SLC29A1: variants seen among roughly 807,000 people sequenced by gnomAD.
The protein encoded by SLC29A1 is equilibrative nucleoside transporter 1.
Under a neutral mutation model 48.3 loss-of-function variants are expected in SLC29A1, and 22 were observed. The ratio of observed to expected loss-of-function variants is 0.46; its 90% confidence interval spans 0.33 to 0.65. SLC29A1 has a LOEUF of 0.65. Ranked by LOEUF, SLC29A1 falls within the 30% of genes least tolerant of loss-of-function variation. The pLI is 0.03. For synonymous variants in SLC29A1, 228 were observed against 231.0 expected, an observed-to-expected ratio of 0.99 and a Z score of 0.12; for missense variants, 491 against 575.3, an observed-to-expected ratio of 0.85 and a Z score of 1.50.
chr6:44,233,774 C>T lies in SLC29A1; in HGVS notation c.*246C>T, dbSNP rs1779391820. 1.8e-6 allele frequency: 1 copy of T among 540,802 alleles called. No individual in the cohort carries two copies. The highest frequency in any genetic ancestry group is 3.3e-6 in the Non-Finnish European group (1 of 300,794). 33.5% of individuals were successfully genotyped at this position (540,802 alleles called of 1,614,324 possible). A position where few individuals can be genotyped will look rare whatever the true frequency, so the allele number is the denominator to read the frequency against. The stretch of plus-strand genomic sequence containing the variant: ...GTAGCCTCGGCATTTGCTTGAGTTT[C>T]TCCACTCTTGGCTCTGACTGATCCC... On this transcript the variant is annotated 3_prime_UTR_variant, in exon 13 of 13. Transcript: ENST00000371755.
chr6:44,219,640 C>T (rs1204478926), upstream of SLC29A1: 5 of 1,201,002 alleles, frequency 4.2e-6, no homozygotes, highest in African/African-American at 1.6e-5. Context: ...CGGCCCACAC[C>T]GGTCAGGCCC....
chr6:44,226,231 C>A, intron 1 of SLC29A1: 2 of 460,634 alleles, frequency 4.3e-6, no homozygotes, highest in Non-Finnish European at 5.7e-6. Flanking sequence ...AGGCCTGGGC[C>A]CAGCTAGGCC....
intron 9 of SLC29A1, 124 bp from the exon 10 acceptor site, chr6:44,231,874 T>C: frequency 1.5e-6 from 1 of 667,762 alleles, no homozygotes; most frequent in East Asian, 3.0e-5. Context: ...TCCACCCACC[T>C]CGGCCTCCCA....
intron 1 of SLC29A1, among the ~76,000 whole-genome samples, chr6:44,224,992 G>T (rs1359551718): frequency 6.6e-6 from 1 of 152,166 alleles, no homozygotes; most frequent in Non-Finnish European, 1.5e-5. Flanking sequence ...GAGAGAGCAG[G>T]GGTGTAGCAG....
chr6:44,232,648 C>A lies in SLC29A1; in HGVS notation c.1060-159C>A. The A allele has an allele frequency of 1.4e-6, 1 of 691,440 alleles. No homozygotes were observed. The allele number at this position is 691,440 out of a possible 1,614,324, so 42.8% of individuals were successfully genotyped here. On this transcript the variant is annotated intron_variant, in intron 11 of 12. Coordinates refer to ENST00000371755, the MANE Select transcript of SLC29A1 (RefSeq NM_001372327.1). The surrounding 1 kb of genome is among the most constrained non-coding windows in gnomAD (Gnocchi z 4.7). ...CGAGATGTAGAATATTTCCAGCACT[C>A]CAGAAGGCTCCACCATGCCCCTTTC...
At position 44,226,992 on chromosome 6, in the gene SLC29A1, C is replaced by T. The variant is rs185775288; in HGVS notation, c.-51-271C>T. 1.2e-5 allele frequency: 15 copies of T among 1,207,566 alleles called. No homozygotes were observed. In the South Asian group the frequency reaches 1.4e-4, roughly 12 times the overall value. The allele number at this position is 1,207,566 out of a possible 1,614,324, so 74.8% of individuals were successfully genotyped here. A position where few individuals can be genotyped will look rare whatever the true frequency, so the allele number is the denominator to read the frequency against. ...CTGTTTCCCAGCTTATAAACTGCTT[C>T]GGCTGCTGGATAAAAATAGCGGTGG... is the stretch of plus-strand genomic sequence containing the variant. On this transcript the variant is annotated intron_variant, in intron 1 of 12. Transcript: ENST00000371755.
intron 2 of SLC29A1, 21 bp downstream of exon 2, chr6:44,227,363 C>CT (rs1320950969): frequency 6.2e-7 from 1 of 1,601,472 alleles, no homozygotes; most frequent in East Asian, 2.2e-5. Flanking sequence ...AGGGGCTGGG[C>CT]TGTGGATCCA....
intron 2 of SLC29A1, among the ~76,000 whole-genome samples, chr6:44,228,504 C>T (rs1385119500): frequency 6.6e-6 from 1 of 152,250 alleles, no homozygotes; most frequent in Non-Finnish European, 1.5e-5. Context: ...GCGGTCCAGG[C>T]TCCTGCACTC....
At chr6:44,228,202 C>T (rs1381318635) in intron 2 of SLC29A1, among the ~76,000 whole-genome samples, 1 of 152,222 alleles carries the variant, frequency 6.6e-6, no homozygotes, top group African/African-American at 2.4e-5. Flanking sequence ...CCCAGGCTGC[C>T]TGCCCATTCT....
rs754792320 is a variant in SLC29A1 at position 44,232,877 on chromosome 6, T to G, written c.1130T>G (p.Leu377Arg). 1.7e-5 allele frequency: 28 copies of G among 1,614,114 alleles called. No homozygotes were observed. Among genetic ancestry groups the G allele is most frequent in the Non-Finnish European group, 2.4e-5 (28 of 1,180,048 alleles). ...ARLVFVPLLLLCNIKPRRYLT... is the reference protein window; with the variant it reads ...ARLVFVPLLLRCNIKPRRYLT... ...CTGGTGTTTGTGCCACTGCTGCTGC[T>G]GTGCAACATTAAGCCCCGCCGCTAC... is the stretch of plus-strand genomic sequence containing the variant. Residue 377 changes from leucine to arginine, a missense_variant, in exon 12 of 13, where the codon CTG becomes CGG. By Grantham distance (102) the Leu-to-Arg change is moderately radical (BLOSUM62 -2). Coordinates refer to ENST00000371755, the MANE Select transcript of SLC29A1 (RefSeq NM_001372327.1). This position sits in a 1 kb window ranked among gnomAD's most constrained non-coding sequence, Gnocchi z 4.7.
In SLC29A1 at chr6:44,233,673, C is replaced by T. The variant is rs1173104289; in HGVS notation, c.*145C>T. On this transcript the variant is annotated 3_prime_UTR_variant, in exon 13 of 13. Coordinates refer to ENST00000371755, the MANE Select transcript of SLC29A1 (RefSeq NM_001372327.1). ...ACGGCGTGTGCTGGGCCCGGATCTCCAGGCCCTGGGGAGGGAGCCTCTGGA... is the reference window on the plus strand; with the variant it reads ...ACGGCGTGTGCTGGGCCCGGATCTCTAGGCCCTGGGGAGGGAGCCTCTGGA... 13 of 668,170 alleles carry T rather than the reference C, an allele frequency of 1.9e-5. No homozygotes were observed. In the African/African-American group the frequency reaches 2.1e-4, roughly 11 times the overall value. 41.4% of individuals were successfully genotyped at this position (668,170 alleles called of 1,614,324 possible).
chr6:44,222,512 C>T (rs1012443521), upstream of SLC29A1, among the ~76,000 whole-genome samples: 1 of 152,002 alleles, frequency 6.6e-6, no homozygotes, highest in African/African-American at 2.4e-5. Context: ...ACAAGCCCTT[C>T]GGGTCAGTGG....
chr6:44,228,738 C>A (rs543923089), intron 2 of SLC29A1, among the ~76,000 whole-genome samples: 1 of 152,348 alleles, frequency 6.6e-6, no homozygotes, highest in East Asian at 1.9e-4. Flanking sequence ...GGTGGACAGT[C>A]CTTATTTACA....
chr6:44,227,764 G>A (rs1476940837), intron 2 of SLC29A1, among the ~76,000 whole-genome samples: 1 of 152,230 alleles, frequency 6.6e-6, no homozygotes, highest in East Asian at 1.9e-4. Context: ...TCTGGAGCCT[G>A]TGAACTCCCA....
upstream of SLC29A1, among the ~76,000 whole-genome samples, chr6:44,223,259 G>A (rs868261922): frequency 1.3e-5 from 2 of 151,618 alleles, no homozygotes; most frequent in African/African-American, 2.4e-5. This position sits in a 1 kb window ranked among gnomAD's most constrained non-coding sequence, Gnocchi z 5.0. Context: ...CAGCGGGTGT[G>A]TAAATGGAAC....
At chr6:44,226,726 C>T (rs990412840) in intron 1 of SLC29A1, 96 of 993,270 alleles carry the variant, frequency 9.7e-5, no homozygotes, top group Non-Finnish European at 1.1e-4. Flanking sequence ...AGAGAGGGGC[C>T]TGGGGAGCCT....
At chr6:44,226,659 C>A in intron 1 of SLC29A1, 1 of 819,726 alleles carries the variant, frequency 1.2e-6, no homozygotes, top group Non-Finnish European at 1.5e-6. Flanking sequence ...AGAGGACAGC[C>A]CCACTCTAGC....
At chr6:44,226,879 C>T (rs1488617104) in intron 1 of SLC29A1, 4 of 1,050,414 alleles carry the variant, frequency 3.8e-6, no homozygotes, top group Non-Finnish European at 4.6e-6. Context: ...TGTCCCTGAC[C>T]CCTCTCGTCC....
chr6:44,220,972 C>T (rs866521359), upstream of SLC29A1, among the ~76,000 whole-genome samples: 1 of 152,216 alleles, frequency 6.6e-6, no homozygotes. Context: ...CTTGTCCTCC[C>T]GGGCTCTAGT....
Sources: gnomAD v4.1 joint callset for allele counts (sites outside exome capture counted in the v4.1 genomes callset) on GRCh38, gnomAD v4.1.1 for gene constraint, Gnocchi (gnomAD v3.1) non-coding constraint, MANE v1.5 for transcripts, NCBI Gene and HGNC (gene_info 2026-07-23, HGNC 2026-07-21) for gene names.